DTHD1: variants seen among roughly 807,000 people sequenced by gnomAD.
DTHD1 encodes the protein death domain-containing protein 1.
A neutral mutation model predicts 74.8 loss-of-function variants in DTHD1; 59 were observed. That is an observed-to-expected ratio of 0.79 (90% confidence interval 0.64 to 0.98). The LOEUF (loss-of-function observed/expected upper bound fraction) is 0.98, where lower values mean the gene tolerates loss of function less well. DTHD1 is among the 50% of genes least tolerant of loss of function. The pLI, the probability that DTHD1 is intolerant of heterozygous loss-of-function variation, is 0.00. For synonymous variants in DTHD1, 365 were observed against 371.1 expected, an observed-to-expected ratio of 0.98 and a Z score of 0.19; for missense variants, 1,051 against 1,065.4, an observed-to-expected ratio of 0.99 and a Z score of 0.19.
chr4:36,341,648 T>C (rs1007996714), intron 9 of DTHD1, among the ~76,000 whole-genome samples: 2 of 152,220 alleles, frequency 1.3e-5, no homozygotes, highest in Non-Finnish European at 2.9e-5. Flanking sequence ...CATATTTTCC[T>C]AACCTCAGGC....
At chr4:36,314,069 G>GTTTTTTTTTTTTTTTTT (rs375245524) in intron 7 of DTHD1, among the ~76,000 whole-genome samples, 1 of 138,992 alleles carries the variant, frequency 7.2e-6, no homozygotes, top group African/African-American at 2.7e-5. Context: ...CTAGGAATCT[G>GTTTTTTTTTTTTTTTTT]TTTTTTTTTT....
rs530789646 is a variant in DTHD1 at position 36,290,460 on chromosome 4, C to T, written c.975C>T (p.Cys325=). Residue 325 remains cysteine, a synonymous_variant, in exon 3 of 10, where the codon TGC becomes TGT. Transcript: ENST00000639862. ...CATATGTTCTACAACAACTAGAATGCCGGATAATAAATCACATGAGTTCTT... is the reference window on the plus strand; with the variant it reads ...CATATGTTCTACAACAACTAGAATGTCGGATAATAAATCACATGAGTTCTT... ...APSYVLQQLE[C]RIINHMSSLI... The T allele has an allele frequency of 2.3e-4, 358 of 1,551,590 alleles. No individual in the cohort carries two copies. The highest frequency in any genetic ancestry group is 1.2e-3 in the Middle Eastern group (7 of 6,018).
At position 36,284,104 on chromosome 4, in the gene DTHD1, C is replaced by A. The variant is rs896536189; in HGVS notation, c.400C>A (p.Gln134Lys). The A allele has an allele frequency of 3.9e-6, 6 of 1,537,106 alleles. No individual in the cohort carries two copies. The highest frequency in any genetic ancestry group is 5.2e-6 in the Non-Finnish European group (6 of 1,146,902). ...CATGCATGATGAATGTACTCCACAGCAGACAATGTCCTCCATTCAAGATAC... is the reference window on the plus strand; with the variant it reads ...CATGCATGATGAATGTACTCCACAGAAGACAATGTCCTCCATTCAAGATAC... ...CGMHDECTPQ[Q>K]TMSSIQDTKA... Residue 134 changes from glutamine to lysine, a missense_variant, in exon 2 of 10, where the codon CAG (glutamine) becomes AAG (lysine). Gln to Lys is a moderately conservative substitution (Grantham distance 53). Transcript: ENST00000639862.
rs761161968 is a variant in DTHD1 at position 36,343,527 on chromosome 4, T to C, written c.2424T>C (p.His808=). Residue 808 remains histidine, a synonymous_variant, in exon 10 of 10, where the codon CAT becomes CAC. Transcript: ENST00000639862. ...PVEALWDNLL[H]WLAEELSEEN... is the part of the protein sequence containing the mutation. ...AAGCCCTTTGGGATAACTTGCTCCA[T>C]TGGCTGGCTGAGGAGCTCTCAGAAG... is the stretch of plus-strand genomic sequence containing the variant. The C allele has an allele frequency of 1.4e-5, 22 of 1,551,322 alleles. No individual in the cohort carries two copies. The highest frequency in any genetic ancestry group is 1.2e-4 in the African/African-American group (9 of 73,028).
intron 8 of DTHD1, among the ~76,000 whole-genome samples, chr4:36,326,666 T>A (rs1578482616): frequency 6.6e-6 from 1 of 152,220 alleles, no homozygotes; most frequent in African/African-American, 2.4e-5. Flanking sequence ...AACTCTTTAA[T>A]GAATAAATGA....
At chr4:36,293,765 G>C (rs530655283) in intron 4 of DTHD1, 60 bp downstream of exon 4, 13 of 1,345,362 alleles carry the variant, frequency 9.7e-6, no homozygotes, top group South Asian at 3.7e-5. Flanking sequence ...ATCAAGCATG[G>C]TTCTAAACAA....
At chr4:36,293,076 G>A (rs1220142581) in intron 3 of DTHD1, among the ~76,000 whole-genome samples, 2 of 152,172 alleles carry the variant, frequency 1.3e-5, no homozygotes, top group African/African-American at 4.8e-5. Context: ...TTTGCTGACA[G>A]CACAGGTGTT....
Position 36,283,958 on chromosome 4 carries a change from C to G in DTHD1, c.272-18C>G, listed in dbSNP as rs1396280465. ...AGTTTTGTATTTATTCTTTGTGTGT[C>G]CATGTATGTGTGTGTAGAAATCATT... On this transcript the variant is annotated intron_variant, in intron 1 of 9. Transcript: ENST00000639862. 1 of 1,462,706 alleles carries G rather than the reference C, an allele frequency of 6.8e-7. No homozygotes were observed. The highest frequency in any genetic ancestry group is 9.2e-7 in the Non-Finnish European group (1 of 1,084,906). 90.6% of individuals were successfully genotyped at this position (1,462,706 alleles called of 1,614,324 possible). A position where few individuals can be genotyped will look rare whatever the true frequency, so the allele number is the denominator to read the frequency against.
chr4:36,329,835 T>C (rs1397871244), intron 8 of DTHD1, among the ~76,000 whole-genome samples: 3 of 152,234 alleles, frequency 2.0e-5, no homozygotes, highest in East Asian at 1.9e-4. Context: ...TGACAGAGAA[T>C]AGCTCTTGGG....
intron 2 of DTHD1, among the ~76,000 whole-genome samples, chr4:36,287,464 T>C (rs1755777216): frequency 6.6e-6 from 1 of 152,256 alleles, no homozygotes; most frequent in African/African-American, 2.4e-5. Context: ...CATGTATCTT[T>C]TTCACATAAT....
rs763180086 is a variant in DTHD1, at chr4:36,346,172, G to A, written c.*2348G>A. On this transcript the variant is annotated 3_prime_UTR_variant, in exon 10 of 10. Coordinates refer to ENST00000639862, the MANE Select transcript of DTHD1 (RefSeq NM_001170700.3). ...CTTGTACACTCTCACAAATGTCCTC[G>A]TTCACATATACCCCACCTCCACATT... Among the ~76,000 whole-genome samples the A allele has an allele frequency of 5.3e-5, 8 of 151,436 alleles. No individual in the cohort carries two copies. Among genetic ancestry groups the A allele is most frequent in the Non-Finnish European group, 1.0e-4 (7 of 67,874 alleles).
intron 8 of DTHD1, among the ~76,000 whole-genome samples, chr4:36,323,756 C>T (rs1758172975): frequency 6.6e-6 from 1 of 152,066 alleles, no homozygotes; most frequent in Non-Finnish European, 1.5e-5. Context: ...ATTCCAGTAA[C>T]ATGTTTGGTG....
At chr4:36,309,260 A>C (rs1227833435) in intron 7 of DTHD1, among the ~76,000 whole-genome samples, 1 of 152,176 alleles carries the variant, frequency 6.6e-6, no homozygotes, top group Non-Finnish European at 1.5e-5. Context: ...ACATAGTGAA[A>C]CCTCGTCTCT....
chr4:36,292,461 T>C (rs1756138289), intron 3 of DTHD1, among the ~76,000 whole-genome samples: 1 of 152,230 alleles, frequency 6.6e-6, no homozygotes, highest in Admixed American at 6.5e-5. Flanking sequence ...TCGTATGACA[T>C]TATAAAATTC....
intron 5 of DTHD1, 126 bp downstream of exon 5, chr4:36,295,165 T>C: frequency 1.7e-6 from 2 of 1,176,088 alleles, no homozygotes; most frequent in South Asian, 4.4e-5. Flanking sequence ...ATCTTTAATC[T>C]AGAAAGAAGA....
At chr4:36,307,252 T>C (rs75384208) in intron 6 of DTHD1, among the ~76,000 whole-genome samples, 14,076 of 152,238 alleles carry the variant, frequency 0.092, 1,642 homozygotes, top group African/African-American at 0.28. Flanking sequence ...CAGAAACTTA[T>C]TGTTTCACAG....
In DTHD1 at chr4:36,346,842, C is replaced by T. The variant is rs1463163903; in HGVS notation, c.*3018C>T. Among the ~76,000 whole-genome samples, 2 of 152,054 alleles carry T rather than the reference C, an allele frequency of 1.3e-5. No homozygotes were observed. The highest frequency in any genetic ancestry group is 4.8e-5 in the African/African-American group (2 of 41,408). On this transcript the variant is annotated 3_prime_UTR_variant, in exon 10 of 10. Coordinates refer to ENST00000639862, the MANE Select transcript of DTHD1 (RefSeq NM_001170700.3). ...GAAGGCCACCTCTAGCCAACTCTCT[C>T]CTGTGCTTTGGTAACTGGTCTTCTT...
rs543710704 is a variant in DTHD1, at chr4:36,324,023, G to A, written c.2340+7537G>A. Among the ~76,000 whole-genome samples, 7 of 152,180 alleles carry A rather than the reference G, an allele frequency of 4.6e-5. No individual in the cohort carries two copies. The South Asian group carries it at 1.5e-3, about 32-fold the overall frequency. ...CACAATTTTGACCATGTCACTAAGA[G>A]GAACATGAGGGGAAAATGAACAAAG... On this transcript the variant is annotated intron_variant, in intron 8 of 9. Coordinates refer to ENST00000639862, the MANE Select transcript of DTHD1 (RefSeq NM_001170700.3).
chr4:36,323,564 T>C (rs566136059), intron 8 of DTHD1, among the ~76,000 whole-genome samples: 1 of 118,228 alleles, frequency 8.5e-6, no homozygotes, highest in East Asian at 2.1e-4. Flanking sequence ...GAACTTATTA[T>C]GTTATTGCTA....
Sources: gnomAD v4.1 joint callset for allele counts (sites outside exome capture counted in the v4.1 genomes callset) on GRCh38, gnomAD v4.1.1 for gene constraint, MANE v1.5 for transcripts, NCBI Gene and HGNC (gene_info 2026-07-23, HGNC 2026-07-21) for gene names.